WASF1: variants seen among roughly 807,000 people sequenced by gnomAD.
WASF1 encodes the protein WASP family member 1.
In WASF1, 7 loss-of-function variants were observed where a neutral mutation model predicts 50.5. That is an observed-to-expected ratio of 0.14 (90% CI 0.08 to 0.26). The LOEUF is 0.26. Among genes scored for constraint, WASF1 ranks in the 10% least tolerant of loss-of-function variants. WASF1 has a pLI of 1.00. For synonymous variants in WASF1, 205 were observed against 244.0 expected (o/e 0.84, Z 1.49); for missense variants, 470 against 694.7 (o/e 0.68, Z 3.64).
At chr6:110,125,564 T>C (rs1293057441) in intron 4 of WASF1, among the ~76,000 whole-genome samples, 1 of 152,202 alleles carries the variant, frequency 6.6e-6, no homozygotes, top group Non-Finnish European at 1.5e-5. Flanking sequence ...TGGTCTTTAG[T>C]GCATGAGTTT....
chr6:110,139,590 C>T (rs1775130277), intron 3 of WASF1, among the ~76,000 whole-genome samples: 1 of 152,136 alleles, frequency 6.6e-6, no homozygotes, highest in African/African-American at 2.4e-5. Context: ...TTTCAATTAT[C>T]TTAGGTTGAC....
At chr6:110,147,730 C>G (rs189937124) in intron 3 of WASF1, among the ~76,000 whole-genome samples, 1 of 152,150 alleles carries the variant, frequency 6.6e-6, no homozygotes, top group East Asian at 1.9e-4. Context: ...AAGCATAATA[C>G]TGCACCAAGG....
chr6:110,163,733 T>C (rs1346831554), intron 2 of WASF1, among the ~76,000 whole-genome samples: 1 of 151,610 alleles, frequency 6.6e-6, no homozygotes, highest in Non-Finnish European at 1.5e-5. Context: ...AACAAACTGA[T>C]TCTAAAGTTT....
intron 4 of WASF1, among the ~76,000 whole-genome samples, chr6:110,123,677 C>T (rs1456193002): frequency 2.0e-5 from 3 of 152,102 alleles, no homozygotes; most frequent in Non-Finnish European, 4.4e-5. Flanking sequence ...AGCAACACAG[C>T]AGAGATAGAA....
intron 3 of WASF1, among the ~76,000 whole-genome samples, chr6:110,145,661 T>C (rs997387461): frequency 1.3e-5 from 2 of 152,300 alleles, no homozygotes; most frequent in South Asian, 2.1e-4. Flanking sequence ...TGAGAGTTTT[T>C]AGCATGAAGG....
chr6:110,123,700 C>G (rs1774239809), intron 4 of WASF1, among the ~76,000 whole-genome samples: 1 of 152,158 alleles, frequency 6.6e-6, no homozygotes. Context: ...ACCTCACTTT[C>G]AGGTGTCAAA....
intron 10 of WASF1, 36 bp downstream of exon 10, chr6:110,101,552 C>G: frequency 6.4e-7 from 1 of 1,567,970 alleles, no homozygotes; most frequent in East Asian, 2.2e-5. Context: ...TCCAATGCTA[C>G]TATAGCAATG....
At chr6:110,172,196 G>A (rs529415331) in intron 2 of WASF1, among the ~76,000 whole-genome samples, 2 of 152,244 alleles carry the variant, frequency 1.3e-5, no homozygotes, top group South Asian at 4.2e-4. Flanking sequence ...TATACCCAAA[G>A]GATTACAAAT....
intron 2 of WASF1, among the ~76,000 whole-genome samples, chr6:110,168,436 C>T (rs1354885260): frequency 6.6e-6 from 1 of 152,082 alleles, no homozygotes; most frequent in Non-Finnish European, 1.5e-5. Context: ...GTTAACACTA[C>T]TGTATATGAG....
intron 4 of WASF1, among the ~76,000 whole-genome samples, chr6:110,120,047 A>G (rs1026321785): frequency 1.3e-5 from 2 of 152,222 alleles, no homozygotes; most frequent in Non-Finnish European, 2.9e-5. Flanking sequence ...ATCTCAAAAT[A>G]ATAAGAGCTA....
Position 110,144,816 on chromosome 6 carries a change from A to C in WASF1, c.-29+15819T>G, listed in dbSNP as rs886981877. Reference sequence around the variant, plus strand: ...GGGCTCTGTTCTGTTCCATTGGTCTATCTCTCTGTTTTGGTACCAGTACCA... The same window carrying C: ...GGGCTCTGTTCTGTTCCATTGGTCTCTCTCTCTGTTTTGGTACCAGTACCA... On this transcript the variant is annotated intron_variant, in intron 3 of 10. Transcript: ENST00000392589. Among the ~76,000 whole-genome samples the C allele has an allele frequency of 6.8e-4, 103 of 152,066 alleles. 2 individuals carry two copies. Among genetic ancestry groups the C allele is most frequent in the East Asian group, 1.9e-4 (1 of 5,192 alleles).
At chr6:110,111,444 T>C (rs1279028672) in intron 5 of WASF1, among the ~76,000 whole-genome samples, 1 of 151,766 alleles carries the variant, frequency 6.6e-6, no homozygotes, top group African/African-American at 2.4e-5. Flanking sequence ...ATCCAGAATA[T>C]ACACAGAATT....
At chr6:110,150,423 C>A (rs970440782) in intron 3 of WASF1, among the ~76,000 whole-genome samples, 3 of 152,144 alleles carry the variant, frequency 2.0e-5, no homozygotes, top group Non-Finnish European at 4.4e-5. Context: ...AATAAATTAA[C>A]CAGCTAGCCA....
intron 4 of WASF1, among the ~76,000 whole-genome samples, chr6:110,125,915 T>A (rs1335459419): frequency 2.0e-5 from 3 of 152,196 alleles, no homozygotes; most frequent in Non-Finnish European, 4.4e-5. Context: ...TAAATTTTCA[T>A]CTTTAAGTTT....
chr6:110,127,672 C>T, intron 3 of WASF1, 43 bp from the exon 4 acceptor site: 1 of 1,424,108 alleles, frequency 7.0e-7, no homozygotes. Context: ...AAATTTCAGC[C>T]AACACAGAAT....
At chr6:110,137,690 T>C (rs1202791515) in intron 3 of WASF1, among the ~76,000 whole-genome samples, 1 of 152,216 alleles carries the variant, frequency 6.6e-6, no homozygotes, top group East Asian at 1.9e-4. Flanking sequence ...CCCTCTGACC[T>C]TTCTCACACA....
At chr6:110,132,201 T>C (rs1379424827) in intron 3 of WASF1, among the ~76,000 whole-genome samples, 2 of 152,076 alleles carry the variant, frequency 1.3e-5, no homozygotes, top group African/African-American at 4.8e-5. Flanking sequence ...TTTTTTAATA[T>C]TGACCCTATA....
intron 2 of WASF1, among the ~76,000 whole-genome samples, chr6:110,162,442 CAAA>C (rs546932624): frequency 1.5e-5 from 1 of 68,612 alleles, no homozygotes. Flanking sequence ...AAAGACAAGG[CAAA>C]AAAAAAAAAA....
intron 3 of WASF1, among the ~76,000 whole-genome samples, chr6:110,140,255 G>A (rs1410588698): frequency 6.6e-6 from 1 of 152,172 alleles, no homozygotes; most frequent in African/African-American, 2.4e-5. Context: ...GTAAACACAT[G>A]GAGGTTCCTG....
Sources: allele counts gnomAD v4.1 joint callset (sites outside exome capture counted in the v4.1 genomes callset), GRCh38; gene constraint gnomAD v4.1.1; transcripts MANE v1.5; gene names NCBI Gene and HGNC (gene_info 2026-07-23, HGNC 2026-07-21).